MIAT: variants seen among roughly 807,000 people sequenced by gnomAD.
The protein encoded by MIAT is myocardial infarction associated transcript, also known as MI related novel mRNA.
At chr22:26,675,898 T>C (rs1461738054) in exon 5 of MIAT, 2 of 398,488 alleles carry the variant, frequency 5.0e-6, no homozygotes, top group African/African-American at 4.1e-5. Flanking sequence ...GCAGAAGGAT[T>C]GGGACTAGGC....
chr22:26,673,169 G>A, downstream of MIAT: 1 of 398,682 alleles, frequency 2.5e-6, no homozygotes, highest in Non-Finnish European at 4.4e-6. Flanking sequence ...GGGGCTCACA[G>A]GGTTCCCGCA....
In MIAT at chr22:26,655,436, G is replaced by A. The variant is rs7286208; in HGVS notation, n.647-7880G>A. 1.2e-3 allele frequency among the ~76,000 whole-genome samples: 185 copies of A among 152,300 alleles called. 1 individual carries two copies. Among genetic ancestry groups the A allele is most frequent in the African/African-American group, 4.3e-3 (179 of 41,570 alleles). On this transcript the variant is annotated intron_variant and non_coding_transcript_variant, in intron 2 of 5. Coordinates refer to ENST00000643270, the Ensembl canonical transcript of MIAT. ...TGAGCCTCTTTATGTGAGCGATGAA[G>A]ATGATAAACAATATTCACAGAAATG...
downstream of MIAT, chr22:26,670,408 A>G (rs1931000515): frequency 5.0e-6 from 2 of 398,460 alleles, no homozygotes; most frequent in African/African-American, 4.1e-5. Flanking sequence ...GCCACAAAAC[A>G]GTCTACTGAG....
At position 26,675,285 on chromosome 22, in the gene MIAT, G is replaced by A. The variant is rs1213822368; in HGVS notation, n.8953G>A. 2.3e-5 allele frequency: 9 copies of A among 398,810 alleles called. No homozygotes were observed. The East Asian group carries it at 3.2e-4, about 14-fold the overall frequency. 24.7% of individuals were successfully genotyped at this position (398,810 alleles called of 1,614,324 possible). On this transcript the variant is annotated non_coding_transcript_exon_variant, in exon 5 of 5. Coordinates refer to the MIAT transcript ENST00000613780. ...TGGGGATCAGAGAGGATCCAAAGAG[G>A]TTCTGGAAGGTTCATGTGGAATGTA...
exon 5 of MIAT, chr22:26,667,242 C>G (rs1024030288): frequency 1.8e-5 from 7 of 398,566 alleles, no homozygotes; most frequent in Non-Finnish European, 2.7e-5. Context: ...AGAGGTGAAC[C>G]CAGAGACATG....
chr22:26,671,830 TA>T (rs370514350), downstream of MIAT: 32,859 of 288,306 alleles, frequency 0.11, no homozygotes, highest in Middle Eastern at 0.15. Flanking sequence ...GGCAGACACC[TA>T]AAAAAAAAAA....
intron 2 of MIAT, chr22:26,657,175 C>T (rs1380191332): frequency 8.8e-6 from 2 of 228,340 alleles, no homozygotes; most frequent in Non-Finnish European, 1.7e-5. Flanking sequence ...CGCGCCTCTC[C>T]AGCCCTGAGC....
chr22:26,660,935 G>T (rs1376308266), intron 2 of MIAT: 1 of 152,198 alleles, frequency 6.6e-6, no homozygotes, highest in East Asian at 1.9e-4. Flanking sequence ...TTAAAAAGCG[G>T]CCGTGAGGCT....
At chr22:26,660,628 T>G (rs1930630696) in intron 2 of MIAT, 1 of 152,190 alleles carries the variant, frequency 6.6e-6, no homozygotes, top group Non-Finnish European at 1.5e-5. Flanking sequence ...ATGGTCTACT[T>G]CGTCAGTTCC....
chr22:26,656,340 T>C (rs1205363536), intron 2 of MIAT, among the ~76,000 whole-genome samples: 1 of 149,656 alleles, frequency 6.7e-6, no homozygotes, highest in Non-Finnish European at 1.5e-5. Context: ...TTTTTTTTTT[T>C]TGAGATGGGG....
chr22:26,672,944 C>T (rs1281276689), downstream of MIAT: 2 of 398,530 alleles, frequency 5.0e-6, no homozygotes, highest in South Asian at 1.3e-4. Context: ...AGCTAGAGAG[C>T]CGTCTCCCCT....
downstream of MIAT, chr22:26,671,191 G>C (rs1309240972): frequency 2.5e-6 from 1 of 398,534 alleles, no homozygotes; most frequent in Non-Finnish European, 4.4e-6. Flanking sequence ...CATTTTCAGG[G>C]GAGCTGAAAT....
exon 5 of MIAT, chr22:26,675,027 C>G: frequency 2.5e-6 from 1 of 398,730 alleles, no homozygotes; most frequent in Non-Finnish European, 4.4e-6. Context: ...TGCACCTACT[C>G]TGTGCCAGGC....
intron 2 of MIAT, among the ~76,000 whole-genome samples, chr22:26,652,084 C>G (rs574679669): frequency 5.5e-4 from 83 of 152,242 alleles, no homozygotes; most frequent in Admixed American, 8.5e-4. Context: ...GCCTCTAACG[C>G]CTAGGCTCAA....
chr22:26,657,528 G>A, intron 2 of MIAT: 1 of 398,738 alleles, frequency 2.5e-6, no homozygotes, highest in Non-Finnish European at 4.4e-6. Context: ...CAGAGGGAGG[G>A]AGGCTGCGGA....
chr22:26,646,733 T>C, exon 1 of MIAT: 1 of 398,658 alleles, frequency 2.5e-6, no homozygotes, highest in Non-Finnish European at 4.4e-6. Context: ...ACACAGTAAA[T>C]GCTCAGTAAG....
chr22:26,656,955 A>G (rs1220378076), intron 2 of MIAT, among the ~76,000 whole-genome samples: 2 of 152,226 alleles, frequency 1.3e-5, no homozygotes, highest in African/African-American at 4.8e-5. Flanking sequence ...GATTAAACCT[A>G]TAAATGTTGT....
intron 5 of MIAT, chr22:26,667,375 T>C (rs1930886743): frequency 2.5e-6 from 1 of 394,202 alleles, no homozygotes; most frequent in African/African-American, 2.1e-5. Flanking sequence ...TGTGTGTGCA[T>C]GCCTGTGTGT....
intron 2 of MIAT, chr22:26,663,315 G>T: frequency 2.5e-6 from 1 of 398,604 alleles, no homozygotes; most frequent in Non-Finnish European, 4.4e-6. Flanking sequence ...CTTGATGACA[G>T]TTGGAGGCAT....
Sources: gnomAD v4.1 joint callset for allele counts (sites outside exome capture counted in the v4.1 genomes callset) on GRCh38, gnomAD v4.1.1 for gene constraint, MANE v1.5 for transcripts, NCBI Gene and HGNC (gene_info 2026-07-23, HGNC 2026-07-21) for gene names.